COL24A1: variants seen among roughly 807,000 people sequenced by gnomAD.
COL24A1 encodes the protein collagen alpha-1(XXIV) chain.
A neutral mutation model predicts 253.9 loss-of-function variants in COL24A1; 224 were observed. That is an observed-to-expected ratio of 0.88 (90% CI 0.79 to 0.99). COL24A1 has a LOEUF of 0.99. Ranked by LOEUF, COL24A1 falls within the 50% of genes least tolerant of loss-of-function variation. The pLI, the probability that COL24A1 is intolerant of heterozygous loss-of-function variation, is 0.00. For missense variants in COL24A1, 2,131 were observed against 2,068.5 expected (o/e 1.03, Z -0.59); for synonymous variants, 685 against 673.7 (o/e 1.02, Z -0.26).
At chr1:85,853,881 A>G (rs1337375258) in intron 37 of COL24A1, among the ~76,000 whole-genome samples, 1 of 152,070 alleles carries the variant, frequency 6.6e-6, no homozygotes, top group East Asian at 1.9e-4. Context: ...TGTTGGATGC[A>G]TAATTTGCAA....
intron 5 of COL24A1, among the ~76,000 whole-genome samples, chr1:86,102,990 C>T (rs1324000754): frequency 2.0e-5 from 3 of 152,054 alleles, no homozygotes; most frequent in Non-Finnish European, 4.4e-5. Context: ...TGAAAGTATC[C>T]CACTATTATT....
intron 2 of COL24A1, among the ~76,000 whole-genome samples, chr1:86,134,253 G>A (rs9662736): frequency 0.96 from 142,780 of 148,396 alleles, 68,870 homozygotes; most frequent in Non-Finnish European, 1. Flanking sequence ...CTTCTTTATT[G>A]GTCTTGCTGG....
At chr1:85,780,770 T>C (rs1363421989) in intron 52 of COL24A1, among the ~76,000 whole-genome samples, 1 of 152,212 alleles carries the variant, frequency 6.6e-6, no homozygotes, top group African/African-American at 2.4e-5. Flanking sequence ...TCTACTGCAA[T>C]TTATTCTCTC....
At chr1:85,891,840 G>C (rs1683162210) in intron 31 of COL24A1, among the ~76,000 whole-genome samples, 1 of 152,092 alleles carries the variant, frequency 6.6e-6, no homozygotes, top group Non-Finnish European at 1.5e-5. Context: ...CTTTTGCAAA[G>C]CTACGAAATA....
Position 85,908,606 on chromosome 1 carries a change from C to G in COL24A1, c.2716G>C (p.Gly906Arg). 6.8e-7 allele frequency: 1 copy of G among 1,479,586 alleles called. No individual in the cohort carries two copies. Among genetic ancestry groups the G allele is most frequent in the Non-Finnish European group, 9.1e-7 (1 of 1,101,588 alleles). The allele number at this position is 1,479,586 out of a possible 1,614,324, so 91.7% of individuals were successfully genotyped here. A position where few individuals can be genotyped will look rare whatever the true frequency, so the allele number is the denominator to read the frequency against. ...GTCTTTCCTGTACTTACAGGTAATC[C>G]CAATGGACCGATAGGTCCTGGAACC... ...PGVPGPIGPL[G>R]LPGHVGARGP... Residue 906 changes from glycine (G) to arginine (R), a missense_variant, in exon 27 of 60, where the codon GGA becomes CGA. Coordinates refer to ENST00000370571, the MANE Select transcript of COL24A1 (RefSeq NM_152890.7).
chr1:85,969,869 T>C (rs1031037320), intron 22 of COL24A1, among the ~76,000 whole-genome samples: 1 of 152,032 alleles, frequency 6.6e-6, no homozygotes. Context: ...ATACATCTTA[T>C]TAGCCTTCCA....
intron 47 of COL24A1, among the ~76,000 whole-genome samples, chr1:85,792,442 T>G (rs1315548565): frequency 2.0e-5 from 3 of 151,082 alleles, no homozygotes; most frequent in Non-Finnish European, 4.4e-5. Flanking sequence ...ACCCCAGCAC[T>G]TTGGTAGAGG....
chr1:85,960,252 T>C (rs1400358663), intron 24 of COL24A1, among the ~76,000 whole-genome samples: 1 of 152,222 alleles, frequency 6.6e-6, no homozygotes, highest in Non-Finnish European at 1.5e-5. Flanking sequence ...TTATCTATTT[T>C]GTGACAATTA....
chr1:85,868,373 C>G, intron 37 of COL24A1, 146 bp downstream of exon 37: 1 of 511,418 alleles, frequency 2.0e-6, no homozygotes, highest in Non-Finnish European at 3.4e-6. Context: ...CAGTCCTTGA[C>G]TTTTCCTTCT....
At chr1:85,923,931 A>T (rs1485647416) in intron 24 of COL24A1, among the ~76,000 whole-genome samples, 1 of 152,182 alleles carries the variant, frequency 6.6e-6, no homozygotes, top group Non-Finnish European at 1.5e-5. Flanking sequence ...AGCAAGACTA[A>T]TAAAGAAGAA....
chr1:86,139,985 T>G (rs1250570898), intron 2 of COL24A1, among the ~76,000 whole-genome samples: 37 of 152,180 alleles, frequency 2.4e-4, no homozygotes, highest in Admixed American at 2.4e-3. Context: ...ATTAAGGAAC[T>G]AAAGGAAACT....
chr1:86,117,204 G>A (rs1489362712), intron 3 of COL24A1, among the ~76,000 whole-genome samples: 2 of 152,244 alleles, frequency 1.3e-5, no homozygotes, highest in Non-Finnish European at 2.9e-5. Flanking sequence ...TTGCGTTTGT[G>A]TCCTCCCAAA....
At chr1:86,004,053 T>C (rs1043910580) in intron 19 of COL24A1, among the ~76,000 whole-genome samples, 2 of 152,176 alleles carry the variant, frequency 1.3e-5, no homozygotes, top group Admixed American at 6.5e-5. Context: ...CCCAACAGCA[T>C]GTACTATCAC....
chr1:85,911,351 A>G (rs1000079070), intron 25 of COL24A1, 29 bp downstream of exon 25: 12 of 1,585,116 alleles, frequency 7.6e-6, no homozygotes, highest in Middle Eastern at 1.7e-4. Flanking sequence ...ATTTCTTCCT[A>G]TAAAACAAAA....
At chr1:86,092,175 G>T in intron 6 of COL24A1, 92 bp downstream of exon 6, 4 of 945,388 alleles carry the variant, frequency 4.2e-6, no homozygotes, top group Middle Eastern at 3.3e-4. Context: ...TTTCCTGTCT[G>T]ATACAGTAAA....
rs1558458385 is a variant in COL24A1 at position 85,868,551 on chromosome 1, G to T, written c.3268C>A (p.Pro1090Thr). 4 of 1,613,794 alleles carry T rather than the reference G, an allele frequency of 2.5e-6. No homozygotes were observed. Among genetic ancestry groups the T allele is most frequent in the South Asian group, 1.1e-5 (1 of 91,056 alleles). The change falls in exon 37 of 60, where the codon CCC (proline) becomes ACC (threonine). Residue 1090 changes from proline (P) to threonine (T), a missense_variant. Pro to Thr is a conservative substitution (Grantham distance 38, BLOSUM62 -1). Coordinates refer to ENST00000370571, the MANE Select transcript of COL24A1 (RefSeq NM_152890.7). The stretch of plus-strand genomic sequence containing the variant: ...CCTGTTTGGCCTGATCTACCCAAGG[G>T]TCCTATAATTCCTGGTAAGCCCATC... ...GEMGLPGIIG[P>T]LGRSGQTGLP...
intron 5 of COL24A1, among the ~76,000 whole-genome samples, chr1:86,096,146 A>G (rs1318328091): frequency 6.6e-6 from 1 of 152,220 alleles, no homozygotes; most frequent in East Asian, 1.9e-4. Context: ...AGGTATTAGT[A>G]GTCAGTACTA....
chr1:85,758,603 A>G (rs1258752287), intron 55 of COL24A1, among the ~76,000 whole-genome samples: 2 of 152,116 alleles, frequency 1.3e-5, no homozygotes, highest in Non-Finnish European at 1.5e-5. Context: ...CCTTTTAGCT[A>G]TTCCACTTTA....
chr1:85,879,203 T>C (rs111282820), intron 32 of COL24A1, among the ~76,000 whole-genome samples: 12 of 151,950 alleles, frequency 7.9e-5, no homozygotes, highest in African/African-American at 2.9e-4. Flanking sequence ...TTAGGAGTTT[T>C]ATGGCTTTGT....
Sources: gnomAD v4.1 joint callset for allele counts (sites outside exome capture counted in the v4.1 genomes callset) on GRCh38, gnomAD v4.1.1 for gene constraint, MANE v1.5 for transcripts, NCBI Gene and HGNC (gene_info 2026-07-23, HGNC 2026-07-21) for gene names.